The following FBXL4 variants were observed in gnomAD, a reference collection of about 807,000 sequenced individuals.
FBXL4 encodes the protein F-box and leucine rich repeat protein 4, also known as F-box/LRR-repeat protein 4.
FBXL4 carries 40 observed loss-of-function variants against 58.9 expected under a neutral mutation model. That is an observed-to-expected ratio of 0.68 (90% confidence interval 0.53 to 0.88). The LOEUF is 0.88. Ranked by LOEUF, FBXL4 falls within the 40% of genes least tolerant of loss-of-function variation. The probability of loss-of-function intolerance (pLI) is 0.00; values close to 1 mark genes in which losing one functional copy is unlikely to be tolerated. For synonymous variants in FBXL4, 263 were observed against 265.5 expected, an observed-to-expected ratio of 0.99 and a Z score of 0.09; for missense variants, 676 against 734.4, an observed-to-expected ratio of 0.92 and a Z score of 0.92.
At chr6:98,879,986 C>T (rs993180237) in intron 8 of FBXL4, among the ~76,000 whole-genome samples, 9 of 146,998 alleles carry the variant, frequency 6.1e-5, no homozygotes, top group African/African-American at 1.0e-4. Flanking sequence ...GACTTTGAAG[C>T]TTATCTAGTC....
chr6:98,937,530 T>A, intron 1 of FBXL4, among the ~76,000 whole-genome samples: 1 of 152,002 alleles, frequency 6.6e-6, no homozygotes, highest in East Asian at 1.9e-4. Context: ...ACCACAAAGG[T>A]CTTCGATCTG....
At chr6:98,894,257 CTAA>C (rs1771335789) in intron 7 of FBXL4, among the ~76,000 whole-genome samples, 1 of 152,068 alleles carries the variant, frequency 6.6e-6, no homozygotes, top group Non-Finnish European at 1.5e-5. Flanking sequence ...TTTATCGTAC[CTAA>C]TAAGAATCTT....
intron 1 of FBXL4, among the ~76,000 whole-genome samples, chr6:98,945,373 T>C (rs572859539): frequency 2.0e-5 from 3 of 152,326 alleles, no homozygotes; most frequent in African/African-American, 7.2e-5. Context: ...CAATTATTAT[T>C]AAGTGGAAGC....
chr6:98,890,006 G>C (rs952027377), intron 7 of FBXL4, among the ~76,000 whole-genome samples: 1 of 152,048 alleles, frequency 6.6e-6, no homozygotes, highest in Admixed American at 6.5e-5. Flanking sequence ...AGATAGTCCA[G>C]ATTTATAGCT....
chr6:98,924,343 G>C (rs1264355753), intron 4 of FBXL4, among the ~76,000 whole-genome samples: 2 of 152,146 alleles, frequency 1.3e-5, no homozygotes, highest in South Asian at 2.1e-4. Context: ...GATCACCTGA[G>C]GTCAAGAGTT....
At chr6:98,898,581 G>A (rs2128388786) in intron 7 of FBXL4, 1 of 950,188 alleles carries the variant, frequency 1.1e-6, no homozygotes, top group Non-Finnish European at 1.3e-6. Flanking sequence ...CTCCAGCCTG[G>A]GCAACAGAGT....
At chr6:98,910,612 G>A (rs1319223712) in intron 5 of FBXL4, among the ~76,000 whole-genome samples, 1 of 151,246 alleles carries the variant, frequency 6.6e-6, no homozygotes, top group Non-Finnish European at 1.5e-5. Context: ...AGCCGAGATG[G>A]CACCACTGCA....
rs760332582 is a variant in FBXL4 at position 98,899,291 on chromosome 6, C to T, written c.1294G>A (p.Val432Ile). Residue 432 changes from valine (V) to isoleucine (I), a missense_variant, in exon 7 of 10, where the codon GTT becomes ATT. Val to Ile is a conservative substitution (Grantham distance 29). Coordinates refer to ENST00000369244, the MANE Select transcript of FBXL4 (RefSeq NM_001278716.2). Reference sequence around the variant, plus strand: ...ACCTCTACTTTTGTTCGATAGAGAACAAGTCGTTTAAGGCTGCATAACTTG... The same window carrying T: ...ACCTCTACTTTTGTTCGATAGAGAATAAGTCGTTTAAGGCTGCATAACTTG... The part of the protein sequence containing the change: ...IAKLCSLKRL[V>I]LYRTKVEQTA... The T allele has an allele frequency of 8.1e-5, 130 of 1,613,774 alleles. No homozygotes were observed. The highest frequency in any genetic ancestry group is 4.9e-4 in the Middle Eastern group (3 of 6,076).
At chr6:98,939,185 A>C (rs1773339245) in intron 1 of FBXL4, among the ~76,000 whole-genome samples, 1 of 152,054 alleles carries the variant, frequency 6.6e-6, no homozygotes, top group African/African-American at 2.4e-5. Flanking sequence ...TGAGAGAGAG[A>C]AAGAATCCCA....
intron 6 of FBXL4, among the ~76,000 whole-genome samples, chr6:98,905,198 G>A (rs1771750880): frequency 6.6e-6 from 1 of 152,196 alleles, no homozygotes; most frequent in African/African-American, 2.4e-5. Flanking sequence ...ATGAAGTAAA[G>A]GGTATAGTTT....
At chr6:98,926,409 A>G (rs1254505836) in intron 4 of FBXL4, 68 bp downstream of exon 4, 1 of 1,447,114 alleles carries the variant, frequency 6.9e-7, no homozygotes, top group African/African-American at 1.4e-5. Context: ...GCAATAAAAA[A>G]GATCTCCAAT....
At chr6:98,946,302 A>G (rs1481897098) in intron 1 of FBXL4, among the ~76,000 whole-genome samples, 1 of 152,212 alleles carries the variant, frequency 6.6e-6, no homozygotes, top group African/African-American at 2.4e-5. Context: ...TCACTAACAA[A>G]ATTATAAAGT....
intron 7 of FBXL4, among the ~76,000 whole-genome samples, chr6:98,885,273 T>C (rs546300790): frequency 1.4e-4 from 21 of 152,264 alleles, no homozygotes; most frequent in Middle Eastern, 3.4e-3. Flanking sequence ...CCAGCTAATT[T>C]TTATATTATG....
intron 8 of FBXL4, among the ~76,000 whole-genome samples, chr6:98,877,082 C>T (rs1770688270): frequency 6.6e-6 from 1 of 151,948 alleles, no homozygotes; most frequent in Non-Finnish European, 1.5e-5. Context: ...ATTAAGGTGG[C>T]AATGATGGAA....
intron 9 of FBXL4, 140 bp downstream of exon 9, chr6:98,875,275 T>C (rs1167808712): frequency 1.4e-6 from 1 of 729,904 alleles, no homozygotes. Context: ...ATCTTGCATT[T>C]CCTATCAAAC....
chr6:98,899,617 C>T (rs548944417), intron 6 of FBXL4, 136 bp from the exon 7 acceptor site: 2 of 1,081,548 alleles, frequency 1.8e-6, no homozygotes, highest in African/African-American at 1.6e-5. Flanking sequence ...ATTTGTTTTG[C>T]TTAAATTCTT....
At position 98,917,469 on chromosome 6, in the gene FBXL4, C is replaced by G. The variant is rs1772404815; in HGVS notation, c.763G>C (p.Asp255His). The G allele has an allele frequency of 6.2e-7, 1 of 1,613,942 alleles. No individual in the cohort carries two copies. The change falls in exon 5 of 10, where the codon GAT becomes CAT. Residue 255 changes from aspartate to histidine, a missense_variant. Physicochemically the swap from Asp to His is moderately conservative, Grantham distance 81. Coordinates refer to ENST00000369244, the MANE Select transcript of FBXL4 (RefSeq NM_001278716.2). ...TTAAGACTGTCCATTCCACAACCAT[C>G]CTTTTCTGCATAGGCATCATCTTCT... is the stretch of plus-strand genomic sequence containing the variant. ...DIEDDAYAEK[D>H]GCGMDSLNKK...
intron 7 of FBXL4, among the ~76,000 whole-genome samples, chr6:98,893,757 T>G (rs1771313869): frequency 6.6e-6 from 1 of 152,158 alleles, no homozygotes; most frequent in Admixed American, 6.5e-5. Flanking sequence ...ATTATGCATA[T>G]AGTAGGGGAA....
intron 4 of FBXL4, among the ~76,000 whole-genome samples, chr6:98,918,505 A>C (rs187326780): frequency 6.6e-6 from 1 of 152,288 alleles, no homozygotes; most frequent in East Asian, 1.9e-4. Context: ...GGCCTAACTT[A>C]TATTCCATCT....
Sources: gnomAD v4.1 joint callset for allele counts (sites outside exome capture counted in the v4.1 genomes callset) on GRCh38, gnomAD v4.1.1 for gene constraint, MANE v1.5 for transcripts, NCBI Gene and HGNC (gene_info 2026-07-23, HGNC 2026-07-21) for gene names.